Variants in DENND5A observed in about 807,000 individuals in gnomAD.
The protein encoded by DENND5A is DENN domain containing 5A, also known as DENN domain-containing protein 5A.
DENND5A carries 64 observed loss-of-function variants against 140.3 expected under a neutral mutation model. The observed-to-expected ratio is 0.46, with a 90% CI of 0.37 to 0.56. The LOEUF is 0.56. DENND5A is among the 20% of genes least tolerant of loss of function. The pLI is 0.00. For missense variants in DENND5A, 1,292 were observed against 1,593.8 expected (o/e 0.81, Z 3.22); for synonymous variants, 605 against 607.7 (o/e 1.00, Z 0.07).
intron 1 of DENND5A, among the ~76,000 whole-genome samples, chr11:9,235,350 T>C (rs952848320): frequency 2.4e-4 from 36 of 152,158 alleles, no homozygotes; most frequent in Non-Finnish European, 5.9e-5. Context: ...TGCTACAACA[T>C]GGATGAACCT....
intron 5 of DENND5A, among the ~76,000 whole-genome samples, chr11:9,191,491 C>T (rs140089058): frequency 0.02 from 3,035 of 152,330 alleles, 77 homozygotes; most frequent in Admixed American, 0.06. Context: ...CTGCCCGCCT[C>T]GGCCTCCCAA....
intron 1 of DENND5A, among the ~76,000 whole-genome samples, chr11:9,263,111 AT>A (rs1226732724): frequency 1.3e-5 from 2 of 152,158 alleles, no homozygotes; most frequent in Non-Finnish European, 2.9e-5. Flanking sequence ...AATATTAATT[AT>A]ATTACTGCTT....
chr11:9,177,246 C>A (rs1848573362), intron 8 of DENND5A, among the ~76,000 whole-genome samples: 2 of 146,836 alleles, frequency 1.4e-5, no homozygotes, highest in African/African-American at 5.1e-5. Flanking sequence ...TGAGTGAGAC[C>A]CTGTCTCGAA....
chr11:9,226,369 T>C (rs1564926444), intron 1 of DENND5A, among the ~76,000 whole-genome samples: 1 of 152,224 alleles, frequency 6.6e-6, no homozygotes, highest in East Asian at 1.9e-4. Flanking sequence ...TAAATGATCC[T>C]GTATAAATGA....
chr11:9,179,109 A>G (rs761284789), intron 6 of DENND5A, 36 bp from the exon 7 acceptor site: 1 of 1,578,094 alleles, frequency 6.3e-7, no homozygotes, highest in Non-Finnish European at 8.7e-7. Context: ...GAACACATAC[A>G]CTTTTTCCTT....
intron 1 of DENND5A, among the ~76,000 whole-genome samples, chr11:9,260,885 G>A (rs1852166179): frequency 6.6e-6 from 1 of 152,080 alleles, no homozygotes; most frequent in Non-Finnish European, 1.5e-5. Flanking sequence ...GTCTCACTCT[G>A]TTGCTCAGGC....
intron 14 of DENND5A, among the ~76,000 whole-genome samples, chr11:9,150,447 T>G (rs1017864539): frequency 6.6e-6 from 1 of 152,178 alleles, no homozygotes; most frequent in Non-Finnish European, 1.5e-5. Context: ...CTCTGAGCCC[T>G]TAGGGCCTGA....
chr11:9,234,797 CATAAGGAATACT>C (rs925566609), intron 1 of DENND5A, among the ~76,000 whole-genome samples: 1 of 152,196 alleles, frequency 6.6e-6, no homozygotes, highest in Admixed American at 6.5e-5. Flanking sequence ...CTTTATTTCC[CATAAGGAATACT>C]GCTAGTTAAT....
At chr11:9,175,918 C>A (rs1848532628) in intron 8 of DENND5A, among the ~76,000 whole-genome samples, 1 of 152,172 alleles carries the variant, frequency 6.6e-6, no homozygotes, top group African/African-American at 2.4e-5. Flanking sequence ...GCAAAAGTGT[C>A]TTAGATACAA....
chr11:9,262,162 T>G (rs1296455137), intron 1 of DENND5A, among the ~76,000 whole-genome samples: 2 of 152,202 alleles, frequency 1.3e-5, no homozygotes, highest in Non-Finnish European at 2.9e-5. Context: ...TATTTTTATT[T>G]ACATTCTTTT....
intron 11 of DENND5A, 59 bp from the exon 12 acceptor site, chr11:9,160,924 G>C: frequency 6.4e-7 from 1 of 1,563,648 alleles, no homozygotes; most frequent in Non-Finnish European, 8.8e-7. Context: ...ACATACAACC[G>C]GAGAGGGTTC....
chr11:9,200,524 A>G (rs1398058596), intron 4 of DENND5A, among the ~76,000 whole-genome samples: 1 of 152,196 alleles, frequency 6.6e-6, no homozygotes, highest in Non-Finnish European at 1.5e-5. Context: ...AAAATCAGAG[A>G]TTTCATGTAA....
chr11:9,192,861 A>T (rs1048671323), intron 5 of DENND5A, among the ~76,000 whole-genome samples: 2 of 152,258 alleles, frequency 1.3e-5, no homozygotes, highest in African/African-American at 4.8e-5. Flanking sequence ...AATTAAAAAT[A>T]AAAAATCTTA....
intron 1 of DENND5A, among the ~76,000 whole-genome samples, chr11:9,228,874 TC>T (rs1222309835): frequency 6.6e-6 from 1 of 152,226 alleles, no homozygotes; most frequent in African/African-American, 2.4e-5. Flanking sequence ...ACTTGGCTGT[TC>T]CTGAGTTATA....
chr11:9,151,007 T>G lies in DENND5A; in HGVS notation c.2522-243A>C, dbSNP rs147715115. Reference sequence around the variant, plus strand: ...GGTAGCCAAAAAAGATATCACAATTTCCCCCACTTAACAGAGAAGGAAAAT... The same window carrying G: ...GGTAGCCAAAAAAGATATCACAATTGCCCCCACTTAACAGAGAAGGAAAAT... On this transcript the variant is annotated intron_variant, in intron 13 of 22. Coordinates refer to ENST00000328194, the MANE Select transcript of DENND5A (RefSeq NM_015213.4). Among the ~76,000 whole-genome samples, 380 of 152,274 alleles carry G rather than the reference T, an allele frequency of 2.5e-3. 1 individual carries two copies. The highest frequency in any genetic ancestry group is 4.1e-3 in the Non-Finnish European group (276 of 68,020).
chr11:9,237,181 A>G (rs1851039285), intron 1 of DENND5A, among the ~76,000 whole-genome samples: 1 of 152,022 alleles, frequency 6.6e-6, no homozygotes, highest in South Asian at 2.1e-4. Context: ...CTTTGGGAGG[A>G]AGAGATGGGC....
At chr11:9,156,044 C>A (rs1847790888) in intron 12 of DENND5A, among the ~76,000 whole-genome samples, 1 of 152,174 alleles carries the variant, frequency 6.6e-6, no homozygotes, top group African/African-American at 2.4e-5. Flanking sequence ...TAGTCACAAT[C>A]TGGGTGTATG....
intron 22 of DENND5A, 93 bp from the exon 23 acceptor site, chr11:9,139,947 A>G: frequency 7.6e-7 from 1 of 1,313,090 alleles, no homozygotes; most frequent in Non-Finnish European, 1.1e-6. Flanking sequence ...ACCATGAACT[A>G]AGTCTGAAGC....
chr11:9,219,692 A>G lies in DENND5A; in HGVS notation c.110-12060T>C, dbSNP rs1425002745. On this transcript the variant is annotated intron_variant, in intron 1 of 22. Transcript: ENST00000328194. The stretch of plus-strand genomic sequence containing the variant: ...TTAGTGCAATAGGCCTGGCAGGCCA[A>G]CACCTCAAATAATCCAGATTGATGG... 2.6e-5 allele frequency among the ~76,000 whole-genome samples: 4 copies of G among 152,236 alleles called. No homozygotes were observed. In the East Asian group the frequency reaches 5.8e-4, roughly 22 times the overall value.
Sources: allele counts gnomAD v4.1 joint callset (sites outside exome capture counted in the v4.1 genomes callset), GRCh38; gene constraint gnomAD v4.1.1; transcripts MANE v1.5; gene names NCBI Gene and HGNC (gene_info 2026-07-23, HGNC 2026-07-21).